ZBTB17: variants seen among roughly 807,000 people sequenced by gnomAD.
ZBTB17 encodes zinc finger and BTB domain containing 17.
Under a neutral mutation model 85.1 loss-of-function variants are expected in ZBTB17, and 24 were observed. That is an observed-to-expected ratio of 0.28 (90% CI 0.20 to 0.40). ZBTB17 has a LOEUF of 0.40. Ranked by LOEUF, ZBTB17 falls within the 10% of genes least tolerant of loss-of-function variation. The pLI is 1.00. For synonymous variants in ZBTB17, 464 were observed against 460.2 expected (o/e 1.01, Z -0.11); for missense variants, 743 against 1,105.1 (o/e 0.67, Z 4.65).
intron 2 of ZBTB17, among the ~76,000 whole-genome samples, chr1:15,972,434 C>T (rs1258669221): frequency 1.3e-5 from 2 of 152,206 alleles, no homozygotes; most frequent in African/African-American, 2.4e-5. Context: ...GCTTTTTCTC[C>T]AGCACTGAAA....
intron 10 of ZBTB17, 21 bp from the exon 11 acceptor site, chr1:15,943,736 A>C: frequency 6.2e-7 from 1 of 1,612,858 alleles, no homozygotes. Flanking sequence ...ACCGAGGGCG[A>C]ACCTGGCGTG....
At chr1:15,975,936 C>T (rs1206805505) in intron 1 of ZBTB17, 47 bp downstream of exon 1, 1 of 697,082 alleles carries the variant, frequency 1.4e-6, no homozygotes, top group African/African-American at 1.8e-5. Flanking sequence ...CCGCCTCCGC[C>T]CCGGCTCCCG....
intron 13 of ZBTB17, 41 bp downstream of exon 13, chr1:15,943,007 TCCCCACCTGGCAGCAG>T: frequency 6.2e-6 from 10 of 1,603,864 alleles, no homozygotes; most frequent in African/African-American, 2.7e-5. Context: ...TTCCCCCTGC[TCCCCACCTGGCAGCAG>T]GGCCTGGGAA....
rs1054044505 is a variant in ZBTB17, at chr1:15,966,304, A to G, written c.-3+6735T>C. 2.6e-5 allele frequency among the ~76,000 whole-genome samples: 4 copies of G among 152,192 alleles called. No homozygotes were observed. Among genetic ancestry groups the G allele is most frequent in the South Asian group, 2.1e-4 (1 of 4,834 alleles). ...GACAGGAAAGTGACTGCTTAGGTTA[A>G]TAAGTTCCAGTATAGGAAGTGGTGC... On this transcript the variant is annotated intron_variant, in intron 2 of 15. Coordinates refer to ENST00000375743, the MANE Select transcript of ZBTB17 (RefSeq NM_003443.3). This position sits in a 1 kb window ranked among gnomAD's most constrained non-coding sequence, Gnocchi z 4.1.
chr1:15,965,785 C>T (rs1365855729), intron 2 of ZBTB17, among the ~76,000 whole-genome samples: 1 of 152,162 alleles, frequency 6.6e-6, no homozygotes, highest in Non-Finnish European at 1.5e-5. Context: ...CTGAAGAAAA[C>T]AATATGATTA....
intron 2 of ZBTB17, among the ~76,000 whole-genome samples, chr1:15,955,377 A>G (rs1344312124): frequency 6.6e-6 from 1 of 152,158 alleles, no homozygotes; most frequent in Non-Finnish European, 1.5e-5. Flanking sequence ...TTGTATTAAG[A>G]TTGGATTTCT....
chr1:15,949,231 T>A (rs947758375), intron 2 of ZBTB17, among the ~76,000 whole-genome samples: 2 of 152,154 alleles, frequency 1.3e-5, no homozygotes, highest in African/African-American at 4.8e-5. Context: ...CCTCACTTAA[T>A]GCCTGGAAAT....
chr1:15,955,086 G>A lies in ZBTB17; in HGVS notation c.-2-6589C>T, dbSNP rs186682397. ...GGAGAATCACTTGAACCCGGGAGGC[G>A]GAGGTAACAGTGAGCCAAGATCACA... On this transcript the variant is annotated intron_variant, in intron 2 of 15. Transcript: ENST00000375743. 1.8e-3 allele frequency among the ~76,000 whole-genome samples: 276 copies of A among 151,844 alleles called. 2 individuals carry two copies. The highest frequency in any genetic ancestry group is 5.2e-3 in the South Asian group (25 of 4,810).
chr1:15,960,150 C>G (rs539146638), intron 2 of ZBTB17, among the ~76,000 whole-genome samples: 139 of 152,314 alleles, frequency 9.1e-4, no homozygotes, highest in African/African-American at 3.2e-3. Flanking sequence ...TTGCTGCTCC[C>G]AGGACCCAGT....
rs760999401 is a variant in ZBTB17, at chr1:15,942,389, A to G, written c.2070T>C (p.Asp690=). The change falls in exon 15 of 16, where the codon GAT becomes GAC. Residue 690 remains aspartate (D), a synonymous_variant. Coordinates refer to ENST00000375743, the MANE Select transcript of ZBTB17 (RefSeq NM_003443.3). ...TCTCGGCCTTCAGGACTTCCGTCTC[A>G]TCGGCTGTCACTGCAGCTCCCACCG... The part of the protein sequence containing the change: ...VVPVGAAVTA[D]ETEVLKAEIS... 1.2e-5 allele frequency: 20 copies of G among 1,613,526 alleles called. No homozygotes were observed. The East Asian group carries it at 2.7e-4, about 22-fold the overall frequency.
chr1:15,944,603 G>T lies in ZBTB17; in HGVS notation c.1071-3C>A. On this transcript the variant is annotated splice_region_variant and splice_polypyrimidine_tract_variant and intron_variant, in intron 8 of 15. Transcript: ENST00000375743. ...CGCAGCCGTAGGGCTTCAGAGGGCT[G>T]CAGGGCCAGAAGGCGACAGGAGGCA... 1 of 1,599,624 alleles carries T rather than the reference G, an allele frequency of 6.3e-7. No individual in the cohort carries two copies. Among genetic ancestry groups the T allele is most frequent in the Non-Finnish European group, 8.5e-7 (1 of 1,179,570 alleles).
At chr1:15,969,524 G>T in intron 2 of ZBTB17, 4 of 326,874 alleles carry the variant, frequency 1.2e-5, no homozygotes, top group Non-Finnish European at 2.4e-5. Context: ...GGGGGCACGA[G>T]GCAGTAGTGT....
intron 2 of ZBTB17, among the ~76,000 whole-genome samples, chr1:15,962,722 A>G (rs1003302548): frequency 9.9e-5 from 15 of 152,214 alleles, no homozygotes; most frequent in Admixed American, 2.6e-4. Flanking sequence ...ATTCTCTGTC[A>G]TCACAGGCAC....
chr1:15,945,342 G>A (rs1480754199), intron 6 of ZBTB17, 140 bp from the exon 7 acceptor site: 14 of 1,431,744 alleles, frequency 9.8e-6, no homozygotes, highest in Non-Finnish European at 1.3e-5. Context: ...TGTGAACTGG[G>A]TATTTGCTGC....
chr1:15,948,170 G>C, intron 3 of ZBTB17, 121 bp downstream of exon 3: 1 of 1,174,058 alleles, frequency 8.5e-7, no homozygotes, highest in Non-Finnish European at 1.2e-6. Flanking sequence ...CCTGAAGCCT[G>C]TGCGGGAGGC....
Position 15,966,016 on chromosome 1 carries a change from C to G in ZBTB17, c.-3+7023G>C, listed in dbSNP as rs1242633626. 6.6e-6 allele frequency among the ~76,000 whole-genome samples: 1 copy of G among 152,194 alleles called. No homozygotes were observed. The highest frequency in any genetic ancestry group is 1.5e-5 in the Non-Finnish European group (1 of 68,036). On this transcript the variant is annotated intron_variant, in intron 2 of 15. Transcript: ENST00000375743. The surrounding 1 kb of genome is among the most constrained non-coding windows in gnomAD (Gnocchi z 4.1). ...GGAAGATGTTTCTTGTATCCTTATT[C>G]TTTACACTGAACACATTCTTTTGTA...
In ZBTB17 at chr1:15,945,096, C is replaced by A. The variant is rs1334036678; in HGVS notation, c.768G>T (p.Gln256His). The change falls in exon 7 of 16, where the codon CAG becomes CAT. Residue 256 changes from glutamine to histidine, a missense_variant. Gln to His is a conservative substitution (Grantham distance 24). Transcript: ENST00000375743. The part of the protein sequence containing the change: ...GPAEVKEEGS[Q>H]LENGEAPEEN... ...CCTCGGGGGCCTCTCCGTTCTCCAG[C>A]TGGGAACCCTCCTCCTTGACCTCAG... The A allele has an allele frequency of 6.2e-7, 1 of 1,610,928 alleles. No individual in the cohort carries two copies. Among genetic ancestry groups the A allele is most frequent in the African/African-American group, 1.3e-5 (1 of 75,028 alleles).
chr1:15,958,780 A>C (rs902963974), intron 2 of ZBTB17, among the ~76,000 whole-genome samples: 1 of 152,220 alleles, frequency 6.6e-6, no homozygotes, highest in South Asian at 2.1e-4. Context: ...ACCTTTGGGC[A>C]GGGGACAGCA....
intron 1 of ZBTB17, among the ~76,000 whole-genome samples, 157 bp downstream of exon 1, chr1:15,975,826 C>T (rs1290746459): frequency 6.6e-6 from 1 of 151,744 alleles, no homozygotes; most frequent in Non-Finnish European, 1.5e-5. Context: ...CACAATCTCC[C>T]GCCCAGCGGT....
Sources: allele counts gnomAD v4.1 joint callset (sites outside exome capture counted in the v4.1 genomes callset), GRCh38; gene constraint gnomAD v4.1.1; non-coding constraint Gnocchi (gnomAD v3.1); transcripts MANE v1.5; gene names NCBI Gene and HGNC (gene_info 2026-07-23, HGNC 2026-07-21).